LILRB5: variants seen among roughly 807,000 people sequenced by gnomAD.
The protein encoded by LILRB5 is leukocyte immunoglobulin-like receptor subfamily B member 5.
Under a neutral mutation model 68.4 loss-of-function variants are expected in LILRB5, and 61 were observed. That is an observed-to-expected ratio of 0.89 (90% confidence interval 0.73 to 1.10). LILRB5 has a LOEUF of 1.10. LILRB5 is among the 50% of genes least tolerant of loss of function. The probability of loss-of-function intolerance (pLI) is 0.00; values close to 1 mark genes in which losing one functional copy is unlikely to be tolerated. For missense variants in LILRB5, 771 were observed against 751.6 expected (o/e 1.03, Z -0.30); for synonymous variants, 356 against 315.8 (o/e 1.13, Z -1.35).
At chr19:54,255,774 ACTGT>A in intron 4 of LILRB5, 192 bp from the exon 5 acceptor site, 2 of 760,072 alleles carry the variant, frequency 2.6e-6, no homozygotes, top group South Asian at 1.9e-5. Flanking sequence ...ACTCCTGGCC[ACTGT>A]CTGTCTGGTC....
chr19:54,254,180 C>T, intron 7 of LILRB5, 112 bp from the exon 8 acceptor site: 2 of 1,511,420 alleles, frequency 1.3e-6, no homozygotes, highest in Non-Finnish European at 1.8e-6. Flanking sequence ...TGCCTCGACG[C>T]CCGCCCCCTC....
chr19:54,256,675 C>T lies in LILRB5; in HGVS notation c.169G>A (p.Glu57Lys). The change falls in exon 3 of 13, where the codon GAG becomes AAG. Residue 57 changes from glutamate to lysine, a missense_variant. Physicochemically the swap from Glu to Lys is moderately conservative, Grantham distance 56 (BLOSUM62 1). Coordinates refer to ENST00000449561, the MANE Select transcript of LILRB5 (RefSeq NM_001081442.3). ...LWCQGPLETE[E>K]YRLDKEGLPW... ...AGTCCCTCCTTATCCAGACGGTACTCCTCAGTCTCCAGGGGCCCCTGACAC... is the reference window on the plus strand; with the variant it reads ...AGTCCCTCCTTATCCAGACGGTACTTCTCAGTCTCCAGGGGCCCCTGACAC... 2 of 1,614,204 alleles carry T rather than the reference C, an allele frequency of 1.2e-6. No homozygotes were observed. The highest frequency in any genetic ancestry group is 1.7e-5 in the Admixed American group (1 of 60,026).
chr19:54,257,102 G>T, intron 1 of LILRB5, 58 bp downstream of exon 1: 1 of 1,613,774 alleles, frequency 6.2e-7, no homozygotes, highest in Non-Finnish European at 8.5e-7. Context: ...CCAGAGCCTC[G>T]CTTTAGAGTG....
In LILRB5 at chr19:54,256,790, G is replaced by A. The variant is rs1385482262; in HGVS notation, c.71-17C>T. The stretch of plus-strand genomic sequence containing the variant: ...GGAGGGTGCCTAGAATGGAATCAGA[G>A]GCTGGATCCCAAGACATCCCCATCC... On this transcript the variant is annotated splice_polypyrimidine_tract_variant and intron_variant, in intron 2 of 12. Coordinates refer to ENST00000449561, the MANE Select transcript of LILRB5 (RefSeq NM_001081442.3). 6.2e-7 allele frequency: 1 copy of A among 1,612,680 alleles called. No individual in the cohort carries two copies. The highest frequency in any genetic ancestry group is 2.2e-5 in the East Asian group (1 of 44,854).
chr19:54,254,860 T>C lies in LILRB5; in HGVS notation c.1130A>G (p.Gln377Arg). ...CACAGGACTCATGGAGAATTCAGCC[T>C]GGTGTCTATAAGACTGGTACTTTGA... ...LKSKYQSYRH[Q>R]AEFSMSPVTS... Residue 377 changes from glutamine to arginine, a missense_variant, in exon 6 of 13, where the codon CAG becomes CGG. Gln to Arg is a conservative substitution (Grantham distance 43). Coordinates refer to ENST00000449561, the MANE Select transcript of LILRB5 (RefSeq NM_001081442.3). 6.2e-7 allele frequency: 1 copy of C among 1,614,148 alleles called. No homozygotes were observed. The highest frequency in any genetic ancestry group is 8.5e-7 in the Non-Finnish European group (1 of 1,179,994).
chr19:54,253,295 T>G (rs964559814), intron 8 of LILRB5: 1 of 204,590 alleles, frequency 4.9e-6, no homozygotes, highest in Non-Finnish European at 1.0e-5. Context: ...GAGGGGCCTG[T>G]CCTAGTGTCT....
intron 1 of LILRB5, 33 bp from the exon 2 acceptor site, chr19:54,257,029 C>T (rs2079171469): frequency 6.2e-7 from 1 of 1,614,110 alleles, no homozygotes; most frequent in African/African-American, 1.3e-5. Flanking sequence ...GGATTTGCCC[C>T]TGGAAGCCCC....
At chr19:54,251,946 T>C (rs932150879) in intron 12 of LILRB5, 108 bp downstream of exon 12, 25 of 1,141,648 alleles carry the variant, frequency 2.2e-5, no homozygotes, top group Non-Finnish European at 3.3e-5. Context: ...CAAGGAGGGG[T>C]CCACCGTGAC....
intron 6 of LILRB5, 92 bp downstream of exon 6, chr19:54,254,643 G>T (rs745995223): frequency 3.1e-5 from 46 of 1,492,250 alleles, no homozygotes; most frequent in South Asian, 1.5e-4. Context: ...CCTCCCCCCC[G>T]CACCGCGACT....
chr19:54,250,691 C>T lies in LILRB5; in HGVS notation c.*95G>A. On this transcript the variant is annotated 3_prime_UTR_variant, in exon 13 of 13. Transcript: ENST00000449561. ...GGTCTTTGTTAGGGGTCCAGGCTGG[C>T]TGGGGTTCATTGGTGTCCACTGGGG... 6.6e-7 allele frequency: 1 copy of T among 1,519,532 alleles called. No homozygotes were observed. Among genetic ancestry groups the T allele is most frequent in the Admixed American group, 1.8e-5 (1 of 54,400 alleles). 94.1% of individuals were successfully genotyped at this position (1,519,532 alleles called of 1,614,324 possible).
Position 54,251,928 on chromosome 19 carries a change from G to A in LILRB5, c.1629+126C>T, listed in dbSNP as rs111352611. 2.0e-3 allele frequency: 2,088 copies of A among 1,020,410 alleles called. 32 individuals carry two copies. Among genetic ancestry groups the A allele is most frequent in the East Asian group, 0.012 (501 of 42,182 alleles). 63.2% of individuals were successfully genotyped at this position (1,020,410 alleles called of 1,614,324 possible). The stretch of plus-strand genomic sequence containing the variant: ...GAGGTCGCAGCAGGCGGGAGGCAGC[G>A]TGCTGGACAAGGAGGGGTCCACCGT... On this transcript the variant is annotated intron_variant, in intron 12 of 12. Coordinates refer to ENST00000449561, the MANE Select transcript of LILRB5 (RefSeq NM_001081442.3).
rs1240573863 is a variant in LILRB5, at chr19:54,254,507, C to G, written c.1256-92G>C. On this transcript the variant is annotated intron_variant, in intron 6 of 12. Transcript: ENST00000449561. ...TGCCCGTGGCTTCTCTGGAAACTTTCTTCTGCTCACCTTTCACCATTTGCA... is the reference window on the plus strand; with the variant it reads ...TGCCCGTGGCTTCTCTGGAAACTTTGTTCTGCTCACCTTTCACCATTTGCA... 3.5e-6 allele frequency: 5 copies of G among 1,422,030 alleles called. No individual in the cohort carries two copies. In the South Asian group the frequency reaches 5.3e-5, roughly 15 times the overall value. 88.1% of individuals were successfully genotyped at this position (1,422,030 alleles called of 1,614,324 possible). A position where few individuals can be genotyped will look rare whatever the true frequency, so the allele number is the denominator to read the frequency against.
Position 54,250,896 on chromosome 19 carries a change from C to A in LILRB5, c.1666G>T (p.Ala556Ser), listed in dbSNP as rs112549096. The A allele has an allele frequency of 2.5e-6, 4 of 1,577,654 alleles. No homozygotes were observed. In the East Asian group the frequency reaches 6.9e-5, roughly 27 times the overall value. ...CTGAGGGTCAAGCTGTGCAGCTGGG[C>A]GTAGGTCACATCCTGGGGGGCTTCA... is the stretch of plus-strand genomic sequence containing the variant. ...ASEAPQDVTY[A>S]QLHSLTLRRE... Residue 556 changes from alanine to serine, a missense_variant, in exon 13 of 13, where the codon GCC (alanine) becomes TCC (serine). Transcript: ENST00000449561.
In LILRB5 at chr19:54,252,350, GCTT is replaced by G; in HGVS notation, c.1576+13_1576+15del. 1 of 1,613,352 alleles carries G rather than the reference GCTT, an allele frequency of 6.2e-7. No individual in the cohort carries two copies. The highest frequency in any genetic ancestry group is 8.5e-7 in the Non-Finnish European group (1 of 1,179,684). Reference sequence around the variant, plus strand: ...CCCTTGCCCACCCCAGGTGCCCTCCGCTTCTAGTCACTCACTGAGAATTTCCTC... The same window carrying G: ...CCCTTGCCCACCCCAGGTGCCCTCCGCTAGTCACTCACTGAGAATTTCCTC... On this transcript the variant is annotated intron_variant, in intron 11 of 12. Transcript: ENST00000449561.
At chr19:54,251,835 C>T in intron 12 of LILRB5, 1 of 726,966 alleles carries the variant, frequency 1.4e-6, no homozygotes. Flanking sequence ...GACGGCCAAA[C>T]AGAGGATGAG....
At chr19:54,251,827 C>T (rs549696278) in intron 12 of LILRB5, 217 of 718,430 alleles carry the variant, frequency 3.0e-4, no homozygotes, top group Middle Eastern at 1.8e-3. Context: ...AACAACCAGA[C>T]GGCCAAACAG....
rs1397765444 is a variant in LILRB5, at chr19:54,256,132, C to T, written c.566G>A (p.Cys189Tyr). ...GTAATAGCATCTGAACCTCCACCTG[C>T]AGCTGGGGGTCACGGGACCCACAGG... ...LFPVGPVTPS[C>Y]RWRFRCYYYY... Residue 189 changes from cysteine to tyrosine, a missense_variant, in exon 4 of 13, where the codon TGC (cysteine) becomes TAC (tyrosine). Transcript: ENST00000449561. 2 of 1,609,492 alleles carry T rather than the reference C, an allele frequency of 1.2e-6. No homozygotes were observed. Among genetic ancestry groups the T allele is most frequent in the Non-Finnish European group, 1.7e-6 (2 of 1,178,078 alleles).
intron 4 of LILRB5, chr19:54,255,783 C>G: frequency 2.7e-6 from 2 of 728,502 alleles, no homozygotes; most frequent in Non-Finnish European, 4.4e-6. Context: ...CACTGTCTGT[C>G]TGGTCTGTCC....
chr19:54,254,036 C>A lies in LILRB5; in HGVS notation c.1339G>T (p.Gly447Trp). 1 of 1,597,562 alleles carries A rather than the reference C, an allele frequency of 6.3e-7. No homozygotes were observed. The highest frequency in any genetic ancestry group is 8.5e-7 in the Non-Finnish European group (1 of 1,171,776). Residue 447 changes from glycine (G) to tryptophan (W), a missense_variant, in exon 8 of 13, where the codon GGG becomes TGG. By Grantham distance (184) the Gly-to-Trp change is radical. Coordinates refer to ENST00000449561, the MANE Select transcript of LILRB5 (RefSeq NM_001081442.3). ...CACTCACCACTCTGGGGATCCAACC[C>A]CGTGGGGGTGAGGGGCTGGTCCTCA... Reference protein sequence around the residue: ...GPEDQPLTPTGLDPQSGLGRH... With the variant: ...GPEDQPLTPTWLDPQSGLGRH...
Sources: allele counts gnomAD v4.1 joint callset, GRCh38; gene constraint gnomAD v4.1.1; transcripts MANE v1.5; gene names NCBI Gene and HGNC (gene_info 2026-07-23, HGNC 2026-07-21).